The following SMU1 variants were observed in gnomAD, a reference collection of about 807,000 sequenced individuals.
SMU1 encodes the protein SMU1 DNA replication regulator and spliceosomal factor.
In SMU1, 2 loss-of-function variants were observed where a neutral mutation model predicts 62.0. That is an observed-to-expected ratio of 0.03 (90% confidence interval 0.01 to 0.10). The LOEUF is 0.10. Ranked by LOEUF, SMU1 falls within the 10% of genes least tolerant of loss-of-function variation. The pLI, the probability that SMU1 is intolerant of heterozygous loss-of-function variation, is 1.00. For missense variants in SMU1, 227 were observed against 622.1 expected (o/e 0.36, Z 6.76); for synonymous variants, 188 against 212.4 (o/e 0.89, Z 1.00).
At chr9:33,070,574 C>T in intron 3 of SMU1, among the ~76,000 whole-genome samples, 1 of 152,206 alleles carries the variant, frequency 6.6e-6, no homozygotes, top group East Asian at 1.9e-4. Context: ...GAGATATCTG[C>T]ACTCCCATGT....
At chr9:33,052,117 AAAAT>A (rs959631348) in intron 10 of SMU1, among the ~76,000 whole-genome samples, 26 of 152,242 alleles carry the variant, frequency 1.7e-4, no homozygotes, top group East Asian at 1.9e-4. Context: ...TCCCTGCTTA[AAAAT>A]AAATAAATAA....
intron 11 of SMU1, among the ~76,000 whole-genome samples, chr9:33,047,800 A>C (rs993959993): frequency 1.3e-5 from 2 of 151,796 alleles, no homozygotes; most frequent in Admixed American, 1.3e-4. Flanking sequence ...CAGAGGTTGT[A>C]GTGAGCCGAG....
chr9:33,075,915 T>C (rs1839539941), intron 1 of SMU1, among the ~76,000 whole-genome samples: 1 of 152,190 alleles, frequency 6.6e-6, no homozygotes, highest in South Asian at 2.1e-4. Flanking sequence ...AATTTTTCTT[T>C]CTAGCCCAGT....
At chr9:33,055,366 T>C (rs956526706) in intron 9 of SMU1, among the ~76,000 whole-genome samples, 3 of 152,146 alleles carry the variant, frequency 2.0e-5, no homozygotes, top group Non-Finnish European at 2.9e-5. Context: ...TACTTAAATA[T>C]GTATCTAAAA....
At position 33,046,482 on chromosome 9, in the gene SMU1, ACTC is replaced by A; in HGVS notation, c.*808_*810del. 6.6e-6 allele frequency: 1 copy of A among 151,142 alleles called. No individual in the cohort carries two copies. Among genetic ancestry groups the A allele is most frequent in the East Asian group, 1.9e-4 (1 of 5,154 alleles). The allele number at this position is 151,142 out of a possible 1,614,324, so 9.4% of individuals were successfully genotyped here. On this transcript the variant is annotated 3_prime_UTR_variant, in exon 12 of 12. Coordinates refer to ENST00000397149, the MANE Select transcript of SMU1 (RefSeq NM_018225.3). ...CTTGAGATTCAGGGATAATAATGTG[ACTC>A]CTCCTCCCACATTCTAAGTAAATAT...
At chr9:33,060,352 T>C in intron 6 of SMU1, 113 bp downstream of exon 6, 2 of 915,450 alleles carry the variant, frequency 2.2e-6, no homozygotes, top group Non-Finnish European at 3.3e-6. Context: ...AAGTAATACA[T>C]GTTCATTACA....
At chr9:33,053,047 G>A in intron 10 of SMU1, 76 bp downstream of exon 10, 4 of 1,382,856 alleles carry the variant, frequency 2.9e-6, no homozygotes, top group Non-Finnish European at 4.0e-6. Context: ...TTATTGGGAG[G>A]GTGGGCCTGG....
chr9:33,054,652 C>T (rs1441474065), intron 9 of SMU1, among the ~76,000 whole-genome samples: 2 of 152,200 alleles, frequency 1.3e-5, no homozygotes, highest in East Asian at 3.8e-4. Flanking sequence ...CCTGATACCA[C>T]TCAATTCATC....
chr9:33,068,760 C>T (rs1839454109), intron 4 of SMU1, 64 bp downstream of exon 4: 1 of 1,575,388 alleles, frequency 6.3e-7, no homozygotes, highest in Non-Finnish European at 8.7e-7. Context: ...CTGCCTCAGC[C>T]TCCCAAAGTG....
chr9:33,072,936 T>C (rs1839504117), intron 2 of SMU1, among the ~76,000 whole-genome samples: 1 of 152,162 alleles, frequency 6.6e-6, no homozygotes, highest in Non-Finnish European at 1.5e-5. Context: ...TGCTGTTTTA[T>C]AATCACAAAT....
intron 1 of SMU1, among the ~76,000 whole-genome samples, chr9:33,074,950 T>A (rs1839529190): frequency 6.6e-6 from 1 of 152,120 alleles, no homozygotes; most frequent in African/African-American, 2.4e-5. Context: ...TTGTTGTATT[T>A]TTTGTAGAGA....
At chr9:33,054,056 G>A (rs548312283) in intron 9 of SMU1, among the ~76,000 whole-genome samples, 6 of 152,154 alleles carry the variant, frequency 3.9e-5, no homozygotes, top group Non-Finnish European at 8.8e-5. Context: ...AAGCCAAGGC[G>A]GGTGGATCAC....
chr9:33,062,197 T>C lies in SMU1; in HGVS notation c.502-20A>G. 1 of 1,594,268 alleles carries C rather than the reference T, an allele frequency of 6.3e-7. No individual in the cohort carries two copies. Among genetic ancestry groups the C allele is most frequent in the Non-Finnish European group, 8.5e-7 (1 of 1,171,346 alleles). ...CAGTGCCTATGAGGAAAAAAAAAAATATAGCAATCTGTTCAGGTGCTTTTA... is the reference window on the plus strand; with the variant it reads ...CAGTGCCTATGAGGAAAAAAAAAAACATAGCAATCTGTTCAGGTGCTTTTA... On this transcript the variant is annotated intron_variant, in intron 4 of 11. Coordinates refer to ENST00000397149, the MANE Select transcript of SMU1 (RefSeq NM_018225.3).
intron 10 of SMU1, among the ~76,000 whole-genome samples, chr9:33,048,466 C>CA (rs1407468730): frequency 6.6e-6 from 1 of 152,184 alleles, no homozygotes; most frequent in African/African-American, 2.4e-5. Flanking sequence ...AAGTGGCAGA[C>CA]AAAAATTTAG....
chr9:33,058,792 T>C (rs1048487887), intron 6 of SMU1, among the ~76,000 whole-genome samples: 12 of 152,030 alleles, frequency 7.9e-5, no homozygotes, highest in African/African-American at 2.9e-4. Context: ...GATGAATAAA[T>C]TTGATGATAT....
chr9:33,050,519 A>C (rs1206886805), intron 10 of SMU1, among the ~76,000 whole-genome samples: 1 of 150,230 alleles, frequency 6.7e-6, no homozygotes, highest in Non-Finnish European at 1.5e-5. Flanking sequence ...AAATGTTATT[A>C]AGCACTTAAA....
chr9:33,073,555 A>G (rs1319930431), intron 2 of SMU1, 41 bp downstream of exon 2: 4 of 1,533,112 alleles, frequency 2.6e-6, no homozygotes, highest in Non-Finnish European at 3.6e-6. Context: ...CTGGCCCACA[A>G]CGAACCAACC....
In SMU1 at chr9:33,076,475, C is replaced by G. The variant is rs1839547264; in HGVS notation, c.26+108G>C. On this transcript the variant is annotated intron_variant, in intron 1 of 11. Coordinates refer to ENST00000397149, the MANE Select transcript of SMU1 (RefSeq NM_018225.3). ...TGCTTCTTTGGGGGCAAGGAAATGG[C>G]CCTCCACTCCCTGGCCTCTCGGATG... 3.0e-6 allele frequency: 4 copies of G among 1,323,910 alleles called. No homozygotes were observed. The African/African-American group carries it at 4.3e-5, about 14-fold the overall frequency. 82.0% of individuals were successfully genotyped at this position (1,323,910 alleles called of 1,614,324 possible).
rs1220159931 is a variant in SMU1 at position 33,042,106 on chromosome 9, AAAAG to A, written c.*5183_*5186del. 24 of 152,680 alleles carry A rather than the reference AAAAG, an allele frequency of 1.6e-4. No individual in the cohort carries two copies. The highest frequency in any genetic ancestry group is 4.6e-4 in the African/African-American group (19 of 41,536). 9.5% of individuals were successfully genotyped at this position (152,680 alleles called of 1,614,324 possible). ...TACAATTAAAAATCCTAAGAACACT[AAAAG>A]AAAGTCATATTAGGTCGGTTGGTGC... On this transcript the variant is annotated 3_prime_UTR_variant, in exon 12 of 12. Transcript: ENST00000397149.
Sources: gnomAD v4.1 joint callset for allele counts (sites outside exome capture counted in the v4.1 genomes callset) on GRCh38, gnomAD v4.1.1 for gene constraint, MANE v1.5 for transcripts, NCBI Gene and HGNC (gene_info 2026-07-23, HGNC 2026-07-21) for gene names.